Variants in PARD3B observed in about 807,000 individuals in gnomAD.
PARD3B encodes partitioning defective 3 homolog B.
Under a neutral mutation model 130.2 loss-of-function variants are expected in PARD3B, and 103 were observed. The ratio of observed to expected loss-of-function variants is 0.79; its 90% CI spans 0.67 to 0.93. PARD3B has a LOEUF of 0.93. Ranked by LOEUF, PARD3B falls within the 40% of genes least tolerant of loss-of-function variation. PARD3B has a pLI of 0.00. For missense variants in PARD3B, 1,609 were observed against 1,499.2 expected (o/e 1.07, Z -1.21); for synonymous variants, 583 against 553.2 (o/e 1.05, Z -0.76).
At chr2:204,902,514 A>G (rs923951344) in intron 2 of PARD3B, among the ~76,000 whole-genome samples, 1 of 151,974 alleles carries the variant, frequency 6.6e-6, no homozygotes, top group Non-Finnish European at 1.5e-5. Context: ...CTAAAAATAC[A>G]AAACATTAGC....
intron 18 of PARD3B, among the ~76,000 whole-genome samples, chr2:205,318,991 A>T (rs1424612037): frequency 1.3e-5 from 2 of 152,136 alleles, no homozygotes; most frequent in Non-Finnish European, 2.9e-5. Flanking sequence ...TGTTCTCCTC[A>T]GTACCTCCGC....
At chr2:204,759,115 A>G (rs1040181272) in intron 2 of PARD3B, among the ~76,000 whole-genome samples, 56 of 152,116 alleles carry the variant, frequency 3.7e-4, no homozygotes, top group African/African-American at 1.2e-3. Context: ...TCTTCTTGTA[A>G]TGTTCTCATA....
At chr2:204,785,053 A>G (rs1317466921) in intron 2 of PARD3B, among the ~76,000 whole-genome samples, 1 of 152,216 alleles carries the variant, frequency 6.6e-6, no homozygotes, top group Non-Finnish European at 1.5e-5. Context: ...TAAAACTCTA[A>G]TAATCAATAG....
chr2:204,916,568 A>C (rs996748429), intron 2 of PARD3B, among the ~76,000 whole-genome samples: 8 of 152,194 alleles, frequency 5.3e-5, no homozygotes, highest in Admixed American at 5.2e-4. Context: ...ATTACATTTT[A>C]AGTGATAAAT....
intron 1 of PARD3B, among the ~76,000 whole-genome samples, chr2:204,566,462 G>A (rs1204044275): frequency 6.6e-6 from 1 of 152,088 alleles, no homozygotes; most frequent in African/African-American, 2.4e-5. Context: ...TCCAGCTAAT[G>A]CAGTATGATA....
chr2:205,581,398 T>TATATATAA (rs2053977890), intron 22 of PARD3B, among the ~76,000 whole-genome samples: 2 of 23,518 alleles, frequency 8.5e-5, no homozygotes, highest in Non-Finnish European at 1.0e-4. Context: ...TATATATAAA[T>TATATATAA]ATATATATAA....
At chr2:204,692,724 T>G (rs2037414019) in intron 2 of PARD3B, among the ~76,000 whole-genome samples, 1 of 152,056 alleles carries the variant, frequency 6.6e-6, no homozygotes, top group African/African-American at 2.4e-5. Context: ...GGAGAAGGTT[T>G]CAGAAATAAA....
chr2:205,279,988 C>T (rs941962886), intron 16 of PARD3B, among the ~76,000 whole-genome samples: 3 of 152,092 alleles, frequency 2.0e-5, no homozygotes, highest in African/African-American at 7.2e-5. Context: ...TATTTTCATT[C>T]CAGAGTCATA....
chr2:205,035,378 T>C (rs1017867857), intron 3 of PARD3B, among the ~76,000 whole-genome samples: 37 of 152,282 alleles, frequency 2.4e-4, no homozygotes, highest in African/African-American at 8.4e-4. Flanking sequence ...AATTCTGTGC[T>C]GCATTTTCAA....
chr2:204,668,603 G>T (rs1231361124), intron 1 of PARD3B, among the ~76,000 whole-genome samples: 1 of 152,098 alleles, frequency 6.6e-6, no homozygotes, highest in Non-Finnish European at 1.5e-5. Context: ...CATCTCTGAG[G>T]TAAGTCTTCT....
chr2:204,748,650 A>G (rs894048056), intron 2 of PARD3B, among the ~76,000 whole-genome samples: 1 of 152,134 alleles, frequency 6.6e-6, no homozygotes, highest in East Asian at 1.9e-4. Flanking sequence ...CCTCAACTCT[A>G]AACTATCTGA....
chr2:204,898,494 A>G (rs1028285074), intron 2 of PARD3B, among the ~76,000 whole-genome samples: 4 of 152,010 alleles, frequency 2.6e-5, no homozygotes, highest in Admixed American at 2.0e-4. Flanking sequence ...ATTTAATACA[A>G]TTTCAATTTT....
intron 22 of PARD3B, among the ~76,000 whole-genome samples, chr2:205,588,965 C>T (rs1280754437): frequency 6.6e-6 from 1 of 152,160 alleles, no homozygotes; most frequent in African/African-American, 2.4e-5. Flanking sequence ...TTTCCATGTT[C>T]TTGGGCCACA....
intron 1 of PARD3B, among the ~76,000 whole-genome samples, chr2:204,650,286 C>A (rs187500921): frequency 1.1e-3 from 172 of 152,240 alleles, no homozygotes; most frequent in African/African-American, 3.7e-3. Context: ...GGAACACTTA[C>A]ACATTATTGG....
intron 21 of PARD3B, among the ~76,000 whole-genome samples, chr2:205,542,173 A>AT (rs2052175014): frequency 7.8e-6 from 1 of 127,976 alleles, no homozygotes; most frequent in African/African-American, 2.8e-5. Flanking sequence ...AAAAAAAAAA[A>AT]GTATATGTTT....
Position 205,379,475 on chromosome 2 carries a change from G to T in PARD3B, c.2631-21538G>T, listed in dbSNP as rs1052893923. Among the ~76,000 whole-genome samples, 167 of 151,834 alleles carry T rather than the reference G, an allele frequency of 1.1e-3. 3 individuals carry two copies. The highest frequency in any genetic ancestry group is 2.2e-3 in the Admixed American group (34 of 15,230). ...GAAGTCTAATATTATTATATTTGGG[G>T]TTTTTTTTAAAAAAAAAGCAAACAT... On this transcript the variant is annotated intron_variant, in intron 18 of 22. Coordinates refer to ENST00000406610, the MANE Select transcript of PARD3B (RefSeq NM_001302769.2).
intron 2 of PARD3B, among the ~76,000 whole-genome samples, chr2:204,808,852 AT>A (rs1383177653): frequency 6.6e-6 from 1 of 152,168 alleles, no homozygotes; most frequent in East Asian, 1.9e-4. Context: ...ATACCCAGTA[AT>A]GGGATTGCTG....
chr2:205,085,942 T>C (rs1701716434), intron 4 of PARD3B, among the ~76,000 whole-genome samples: 1 of 152,140 alleles, frequency 6.6e-6, no homozygotes, highest in African/African-American at 2.4e-5. Context: ...AAAGTAAGCT[T>C]TAAAATGTGC....
chr2:205,267,160 C>G (rs1281087674), intron 16 of PARD3B, among the ~76,000 whole-genome samples: 1 of 152,112 alleles, frequency 6.6e-6, no homozygotes, highest in Non-Finnish European at 1.5e-5. Flanking sequence ...TTCCCTGTTT[C>G]TTATTTTTCT....
Sources: gnomAD v4.1 joint callset for allele counts (sites outside exome capture counted in the v4.1 genomes callset) on GRCh38, gnomAD v4.1.1 for gene constraint, MANE v1.5 for transcripts, NCBI Gene and HGNC (gene_info 2026-07-23, HGNC 2026-07-21) for gene names.